Variants in MTHFD2L observed in about 807,000 individuals in gnomAD.
The protein encoded by MTHFD2L is methylenetetrahydrofolate dehydrogenase (NADP+ dependent) 2 like, also known as bifunctional methylenetetrahydrofolate dehydrogenase/cyclohydrolase 2, mitochondrial.
In MTHFD2L, 29 loss-of-function variants were observed where a neutral mutation model predicts 34.9. The ratio of observed to expected loss-of-function variants is 0.83; its 90% CI spans 0.62 to 1.13. The LOEUF is 1.13. MTHFD2L is among the 50% of genes most tolerant of loss of function. The probability of loss-of-function intolerance (pLI) is 0.00; values close to 1 mark genes in which losing one functional copy is unlikely to be tolerated. For missense variants in MTHFD2L, 481 were observed against 446.5 expected (o/e 1.08, Z -0.70); for synonymous variants, 167 against 155.7 (o/e 1.07, Z -0.54).
chr4:74,209,294 C>T (rs559981978), intron 5 of MTHFD2L, among the ~76,000 whole-genome samples: 3 of 152,156 alleles, frequency 2.0e-5, no homozygotes, highest in Non-Finnish European at 2.9e-5. Context: ...CTGCACCCAT[C>T]AACCTGTCAT....
At chr4:74,143,859 A>G (rs79702747) in intron 1 of MTHFD2L, among the ~76,000 whole-genome samples, 1 of 152,300 alleles carries the variant, frequency 6.6e-6, no homozygotes, top group East Asian at 1.9e-4. Flanking sequence ...ATAAGGAGAA[A>G]CATTTATATG....
intron 1 of MTHFD2L, among the ~76,000 whole-genome samples, chr4:74,148,468 A>G (rs576261606): frequency 6.6e-6 from 1 of 151,140 alleles, no homozygotes; most frequent in African/African-American, 2.4e-5. Context: ...GCTTACTGCA[A>G]CCTCTACCTC....
At chr4:74,119,415 T>TTCCCACAG (rs542022610), upstream of MTHFD2L, among the ~76,000 whole-genome samples, 14 of 152,224 alleles carry the variant, frequency 9.2e-5, no homozygotes, top group South Asian at 2.9e-3. Flanking sequence ...GAGAGTTTCT[T>TTCCCACAG]TGAAAAGTGG....
chr4:74,217,973 G>A (rs1737480315), intron 5 of MTHFD2L, among the ~76,000 whole-genome samples: 1 of 152,098 alleles, frequency 6.6e-6, no homozygotes, highest in Non-Finnish European at 1.5e-5. Flanking sequence ...TTCTCAGATG[G>A]AGTAAATAAT....
intron 3 of MTHFD2L, among the ~76,000 whole-genome samples, chr4:74,186,569 T>C (rs1042668424): frequency 2.6e-5 from 4 of 151,658 alleles, no homozygotes; most frequent in African/African-American, 9.7e-5. Context: ...AAATTTTAAA[T>C]ATACATTTAT....
At chr4:74,191,364 GT>G (rs111235954) in intron 3 of MTHFD2L, among the ~76,000 whole-genome samples, 56 of 144,670 alleles carry the variant, frequency 3.9e-4, no homozygotes, top group Admixed American at 1.0e-3. Context: ...TTACCTGGTC[GT>G]TTTTTTTTTT....
intron 3 of MTHFD2L, among the ~76,000 whole-genome samples, chr4:74,198,822 G>A (rs1733921890): frequency 6.6e-6 from 1 of 152,040 alleles, no homozygotes; most frequent in Admixed American, 6.6e-5. Context: ...TGATTCAGAT[G>A]AATACTTTTA....
Position 74,149,448 on chromosome 4 carries a change from G to A in MTHFD2L, c.-296-10607G>A, listed in dbSNP as rs531862343. Among the ~76,000 whole-genome samples the A allele has an allele frequency of 6.8e-5, 10 of 147,056 alleles. No homozygotes were observed. In the East Asian group the frequency reaches 1.9e-3, roughly 28 times the overall value. On this transcript the variant is annotated intron_variant, in intron 1 of 7. Transcript: ENST00000433372. Reference sequence around the variant, plus strand: ...TAGCTACATGCAACAAAATAAATATGTTTTGGAAACACGGAGTAAAAGGGA... The same window carrying A: ...TAGCTACATGCAACAAAATAAATATATTTTGGAAACACGGAGTAAAAGGGA...
At chr4:74,169,178 C>T (rs945766137) in intron 1 of MTHFD2L, among the ~76,000 whole-genome samples, 3 of 152,198 alleles carry the variant, frequency 2.0e-5, no homozygotes, top group Non-Finnish European at 2.9e-5. Context: ...AATTAGTTAG[C>T]GAGCTGACTT....
At chr4:74,159,456 CATT>C (rs1724931439) in intron 1 of MTHFD2L, among the ~76,000 whole-genome samples, 1 of 152,174 alleles carries the variant, frequency 6.6e-6, no homozygotes, top group Admixed American at 6.5e-5. Flanking sequence ...TTGTTTGTAT[CATT>C]ATTTTTTGAA....
At chr4:74,261,799 T>C (rs1744710674) in intron 6 of MTHFD2L, among the ~76,000 whole-genome samples, 1 of 152,054 alleles carries the variant, frequency 6.6e-6, no homozygotes, top group African/African-American at 2.4e-5. Context: ...TTGCAAGTTG[T>C]GTGAGCTTGC....
intron 1 of MTHFD2L, chr4:74,164,984 A>G (rs1402266087): frequency 2.0e-6 from 2 of 985,416 alleles, no homozygotes; most frequent in Non-Finnish European, 2.4e-6. Context: ...CATGTAAACA[A>G]TATCTAAGGG....
intron 1 of MTHFD2L, among the ~76,000 whole-genome samples, chr4:74,159,491 T>G (rs1161318682): frequency 1.3e-5 from 2 of 152,374 alleles, no homozygotes; most frequent in South Asian, 4.1e-4. Flanking sequence ...TTAGGGGTGC[T>G]TTTCAGGGTG....
intron 1 of MTHFD2L, among the ~76,000 whole-genome samples, chr4:74,169,750 G>A (rs867747876): frequency 6.6e-6 from 1 of 152,072 alleles, no homozygotes; most frequent in African/African-American, 2.4e-5. Flanking sequence ...GTGCCAAAAG[G>A]CTACTTAAAT....
At chr4:74,248,939 GA>G (rs1215966765) in intron 6 of MTHFD2L, among the ~76,000 whole-genome samples, 2 of 150,658 alleles carry the variant, frequency 1.3e-5, no homozygotes, top group South Asian at 4.2e-4. Context: ...GTGTGGTGCT[GA>G]AAAAAATGTA....
At chr4:74,158,348 C>T (rs879761122) in intron 1 of MTHFD2L, 67 bp downstream of exon 1, 2 of 1,122,590 alleles carry the variant, frequency 1.8e-6, no homozygotes, top group Non-Finnish European at 2.2e-6. Flanking sequence ...GCGCGGGCGG[C>T]GCTCGCGCGC....
upstream of MTHFD2L, among the ~76,000 whole-genome samples, chr4:74,156,037 C>A (rs1724224894): frequency 6.6e-6 from 1 of 151,902 alleles, no homozygotes; most frequent in Non-Finnish European, 1.5e-5. Flanking sequence ...TAAACAGAGT[C>A]TTGATTCTGA....
intron 6 of MTHFD2L, chr4:74,267,575 T>A (rs902246416): frequency 1.5e-4 from 42 of 285,184 alleles, no homozygotes; most frequent in Non-Finnish European, 2.1e-4. Context: ...TGCACCACCA[T>A]GTCCAGCTTT....
intron 3 of MTHFD2L, chr4:74,190,551 T>C: frequency 1.0e-6 from 1 of 984,770 alleles, no homozygotes; most frequent in Non-Finnish European, 1.2e-6. Context: ...TCCACTGTGT[T>C]CTCAGAATTT....
Sources: allele counts gnomAD v4.1 joint callset (sites outside exome capture counted in the v4.1 genomes callset), GRCh38; gene constraint gnomAD v4.1.1; transcripts MANE v1.5; gene names NCBI Gene and HGNC (gene_info 2026-07-23, HGNC 2026-07-21).